NBDY: variants seen among roughly 807,000 people sequenced by gnomAD.
NBDY encodes P-body dissociating protein.
chrX:56,730,887 G>C (rs1162065627), intron 1 of NBDY, among the ~76,000 whole-genome samples: 1 of 111,587 alleles, frequency 9.0e-6, no homozygotes, highest in Non-Finnish European at 1.9e-5. Context: ...AAGTTTTATA[G>C]ATCCTTTTAA....
At chrX:56,804,610 T>A (rs1252334552) in intron 2 of NBDY, among the ~76,000 whole-genome samples, 12 of 112,304 alleles carry the variant, frequency 1.1e-4, no homozygotes. Context: ...GGCATGGAAG[T>A]GAAGGTTGAG....
chrX:56,815,325 A>G (rs1030286693), intron 2 of NBDY, among the ~76,000 whole-genome samples: 1 of 112,088 alleles, frequency 8.9e-6, no homozygotes, highest in African/African-American at 3.2e-5. Context: ...TTATTTTTCT[A>G]CATCAAAATG....
intron 2 of NBDY, among the ~76,000 whole-genome samples, chrX:56,782,523 T>G (rs2069699227): frequency 8.9e-6 from 1 of 112,002 alleles, no homozygotes; most frequent in Non-Finnish European, 1.9e-5. Context: ...AATTTAGCAC[T>G]GATGAAGGTC....
intron 2 of NBDY, among the ~76,000 whole-genome samples, chrX:56,759,153 A>G (rs2069625752): frequency 8.9e-6 from 1 of 112,132 alleles, no homozygotes; most frequent in African/African-American, 3.2e-5. Flanking sequence ...TGCCAGGACA[A>G]TGTGGTAATC....
intron 2 of NBDY, among the ~76,000 whole-genome samples, chrX:56,802,107 C>A (rs1038230104): frequency 4.5e-5 from 5 of 111,496 alleles, no homozygotes; most frequent in Non-Finnish European, 9.4e-5. Flanking sequence ...AGACTGCCCA[C>A]GAACTCTCCC....
intron 2 of NBDY, among the ~76,000 whole-genome samples, chrX:56,796,652 C>A (rs911487920): frequency 9.0e-6 from 1 of 111,343 alleles, no homozygotes; most frequent in East Asian, 2.8e-4. Context: ...ATTTCCTCCC[C>A]GTTTTTCATC....
At chrX:56,766,898 G>C (rs935402715) in intron 2 of NBDY, among the ~76,000 whole-genome samples, 1 of 112,627 alleles carries the variant, frequency 8.9e-6, no homozygotes, top group East Asian at 2.8e-4. Flanking sequence ...GAGACAGCCT[G>C]AGCAGAGTCA....
At chrX:56,805,309 G>A (rs1314874150) in intron 2 of NBDY, among the ~76,000 whole-genome samples, 1 of 112,432 alleles carries the variant, frequency 8.9e-6, no homozygotes. Flanking sequence ...CTGAATGTCA[G>A]AGGTCCTCAT....
At chrX:56,748,134 C>A (rs1335141519) in intron 2 of NBDY, among the ~76,000 whole-genome samples, 1 of 111,553 alleles carries the variant, frequency 9.0e-6, no homozygotes, top group Non-Finnish European at 1.9e-5. Context: ...ATCTCCTTTA[C>A]TTAAAGTTAA....
chrX:56,766,209 C>G (rs947903287), intron 2 of NBDY, among the ~76,000 whole-genome samples: 13 of 111,938 alleles, frequency 1.2e-4, no homozygotes, highest in African/African-American at 3.9e-4. Context: ...TTTTTCCAGT[C>G]AAGCCATGTG....
chrX:56,758,330 AAAAG>A (rs1280326899), intron 2 of NBDY, among the ~76,000 whole-genome samples: 11 of 109,718 alleles, frequency 1.0e-4, no homozygotes, highest in African/African-American at 3.7e-4. Flanking sequence ...AAAAAAAAAA[AAAAG>A]AAAGAAAAAA....
intron 2 of NBDY, among the ~76,000 whole-genome samples, chrX:56,732,756 T>C (rs1382023608): frequency 9.0e-6 from 1 of 111,708 alleles, no homozygotes. Context: ...GGAACTTTCT[T>C]AATGTTCCTA....
chrX:56,791,431 G>C (rs1175712779), intron 2 of NBDY, among the ~76,000 whole-genome samples: 1 of 111,286 alleles, frequency 9.0e-6, no homozygotes, highest in Admixed American at 9.5e-5. Flanking sequence ...TTTTTTGGGG[G>C]GTCCTTCCCT....
At chrX:56,735,498 TCAGCAGTGCCCTTAGGCTTGCTTTAA>T (rs2069483393) in intron 2 of NBDY, among the ~76,000 whole-genome samples, 1 of 111,954 alleles carries the variant, frequency 8.9e-6, no homozygotes, top group Non-Finnish European at 1.9e-5. Flanking sequence ...CCCCTGTCCT[TCAGCAGTGCCCTTAGGCTTGCTTTAA>T]ACATTAACAG....
chrX:56,807,363 T>G (rs1307699399), intron 2 of NBDY, among the ~76,000 whole-genome samples: 1 of 111,614 alleles, frequency 9.0e-6, no homozygotes, highest in Non-Finnish European at 1.9e-5. Context: ...GAGTCAGGGG[T>G]AGCTTGATGG....
intron 2 of NBDY, among the ~76,000 whole-genome samples, chrX:56,795,324 G>A (rs1383496763): frequency 8.9e-6 from 1 of 111,996 alleles, no homozygotes; most frequent in Non-Finnish European, 1.9e-5. Context: ...TGAGATGGTC[G>A]AGGACAAATT....
chrX:56,739,282 T>A lies in NBDY; in HGVS notation c.*166+7083T>A, dbSNP rs7056556. 6.4e-4 allele frequency among the ~76,000 whole-genome samples: 36 copies of A among 56,305 alleles called. No homozygotes were observed. In the South Asian group the frequency reaches 0.021, roughly 33 times the overall value. The allele number at this position is 56,305 out of a possible 115,157, so 48.9% of individuals were successfully genotyped here. Reference sequence around the variant, plus strand: ...TATATATGTATGTATATATATATATTTTTATATATATATATATAGAGAGAG... The same window carrying A: ...TATATATGTATGTATATATATATATATTTATATATATATATATAGAGAGAG... On this transcript the variant is annotated intron_variant, in intron 2 of 2. Transcript: ENST00000374922.
chrX:56,805,894 A>G (rs2069846686), intron 2 of NBDY, among the ~76,000 whole-genome samples: 1 of 110,943 alleles, frequency 9.0e-6, no homozygotes, highest in South Asian at 3.9e-4. Context: ...ATAGATATAG[A>G]CGTGCCATGG....
chrX:56,740,238 G>A (rs2069525071), intron 2 of NBDY, among the ~76,000 whole-genome samples: 1 of 111,356 alleles, frequency 9.0e-6, no homozygotes, highest in Non-Finnish European at 1.9e-5. Context: ...ATAGACCTCT[G>A]TTATCTTTTA....
Sources: allele counts gnomAD v4.1 joint callset (sites outside exome capture counted in the v4.1 genomes callset), GRCh38; gene constraint gnomAD v4.1.1; transcripts MANE v1.5; gene names NCBI Gene and HGNC (gene_info 2026-07-23, HGNC 2026-07-21).